The following UNC13B variants were observed in gnomAD, a reference collection of about 807,000 sequenced individuals.
UNC13B encodes the protein protein unc-13 homolog B.
In UNC13B, 144 loss-of-function variants were observed where a neutral mutation model predicts 211.0. The ratio of observed to expected loss-of-function variants is 0.68; its 90% CI spans 0.60 to 0.78. The LOEUF (loss-of-function observed/expected upper bound fraction) is 0.78, where lower values mean the gene tolerates loss of function less well. Among genes scored for constraint, UNC13B ranks in the 30% least tolerant of loss-of-function variants. UNC13B has a pLI of 0.00. For missense variants in UNC13B, 1,777 were observed against 2,002.0 expected, an observed-to-expected ratio of 0.89 and a Z score of 2.14; for synonymous variants, 709 against 725.8, an observed-to-expected ratio of 0.98 and a Z score of 0.37.
Position 35,301,209 on chromosome 9 carries a change from C to T in UNC13B, c.1805C>T (p.Ser602Phe). The T allele has an allele frequency of 5.0e-6, 2 of 398,856 alleles. No homozygotes were observed. Among genetic ancestry groups the T allele is most frequent in the Admixed American group, 8.8e-5 (2 of 22,712 alleles). 24.7% of individuals were successfully genotyped at this position (398,856 alleles called of 1,614,324 possible). A position where few individuals can be genotyped will look rare whatever the true frequency, so the allele number is the denominator to read the frequency against. ...CTTTCCATGCAATCTCCATTATCCT[C>T]TCAAAAAGATGATAATGTGAATATA... ...KDLSMQSPLS[S>F]QKDDNVNIDR... Residue 602 changes from serine (S) to phenylalanine (F), a missense_variant, in exon 9 of 40, where the codon TCT becomes TTT. Ser to Phe is a radical substitution (Grantham distance 155, BLOSUM62 -2). Coordinates refer to ENST00000635942, the MANE Select transcript of UNC13B (RefSeq NM_001371189.2).
At chr9:35,317,931 T>C (rs1227348276) in intron 11 of UNC13B, among the ~76,000 whole-genome samples, 1 of 152,178 alleles carries the variant, frequency 6.6e-6, no homozygotes, top group Non-Finnish European at 1.5e-5. Flanking sequence ...GGTCTTGTAA[T>C]TCTTCCTATA....
intron 11 of UNC13B, among the ~76,000 whole-genome samples, chr9:35,314,710 C>T (rs1317944598): frequency 6.6e-6 from 1 of 151,832 alleles, no homozygotes; most frequent in Admixed American, 6.6e-5. Context: ...CCTTCTAAGT[C>T]TCCAGTGTCT....
intron 1 of UNC13B, among the ~76,000 whole-genome samples, chr9:35,165,322 A>G (rs1357590405): frequency 6.6e-6 from 1 of 152,082 alleles, no homozygotes; most frequent in Admixed American, 6.6e-5. Context: ...GGAATGGGCT[A>G]TGTAGATTTT....
intron 12 of UNC13B, among the ~76,000 whole-genome samples, chr9:35,368,851 T>A (rs79620858): frequency 3.3e-4 from 50 of 152,272 alleles, no homozygotes; most frequent in African/African-American, 1.2e-3. Flanking sequence ...ATACATATTG[T>A]AGTTTCTAGA....
intron 11 of UNC13B, among the ~76,000 whole-genome samples, chr9:35,354,951 A>G (rs752822621): frequency 3.9e-5 from 6 of 152,238 alleles, no homozygotes; most frequent in African/African-American, 7.2e-5. Context: ...GGACAAGGCT[A>G]TTTTTGAAGC....
In UNC13B at chr9:35,403,535, A is replaced by T. The variant is rs1484160032; in HGVS notation, c.12673A>T (p.Arg4225Trp). Residue 4225 changes from arginine (R) to tryptophan (W), a missense_variant, in exon 39 of 40, where the codon AGG becomes TGG. Coordinates refer to ENST00000635942, the MANE Select transcript of UNC13B (RefSeq NM_001371189.2). ...MVGPHQSDKK[R>W]KFTTKSKSNN... is the part of the protein sequence containing the mutation. Reference sequence around the variant, plus strand: ...TGGCCCACACCAAAGTGATAAGAAGAGGAAGTTCACAACCAAATCCAAAAG... The same window carrying T: ...TGGCCCACACCAAAGTGATAAGAAGTGGAAGTTCACAACCAAATCCAAAAG... The T allele has an allele frequency of 6.2e-7, 1 of 1,613,826 alleles. No homozygotes were observed. Among genetic ancestry groups the T allele is most frequent in the Admixed American group, 1.7e-5 (1 of 60,010 alleles).
chr9:35,190,164 A>G (rs1822574634), intron 1 of UNC13B, among the ~76,000 whole-genome samples: 1 of 152,204 alleles, frequency 6.6e-6, no homozygotes, highest in Admixed American at 6.5e-5. Flanking sequence ...AAGAGAGTGC[A>G]GTGCTTCTAC....
At chr9:35,230,948 A>G (rs1404935713) in intron 2 of UNC13B, among the ~76,000 whole-genome samples, 172 bp from the exon 3 acceptor site, 2 of 152,206 alleles carry the variant, frequency 1.3e-5, no homozygotes, top group Non-Finnish European at 2.9e-5. Flanking sequence ...GTAGTTTTAT[A>G]ATTTCGGCAA....
intron 1 of UNC13B, among the ~76,000 whole-genome samples, chr9:35,217,911 G>A (rs1479059321): frequency 6.6e-6 from 1 of 152,014 alleles, no homozygotes; most frequent in African/African-American, 2.4e-5. Context: ...AGGCGTGGTG[G>A]CAGGTACCTA....
chr9:35,275,591 T>G (rs1252966435), intron 7 of UNC13B, among the ~76,000 whole-genome samples: 1 of 152,130 alleles, frequency 6.6e-6, no homozygotes, highest in Non-Finnish European at 1.5e-5. Flanking sequence ...ATTGGTTTTA[T>G]TTACTCATTC....
intron 26 of UNC13B, among the ~76,000 whole-genome samples, chr9:35,395,617 A>G (rs560682234): frequency 6.6e-6 from 1 of 152,326 alleles, no homozygotes; most frequent in East Asian, 1.9e-4. Flanking sequence ...TCAGCATACA[A>G]TTGATTTTTA....
At chr9:35,294,739 T>C (rs1829264543) in intron 7 of UNC13B, among the ~76,000 whole-genome samples, 1 of 152,224 alleles carries the variant, frequency 6.6e-6, no homozygotes, top group Non-Finnish European at 1.5e-5. Context: ...CGTGGAACCC[T>C]GTTAATCATA....
chr9:35,293,342 A>G (rs1416053649), intron 7 of UNC13B, among the ~76,000 whole-genome samples: 1 of 152,238 alleles, frequency 6.6e-6, no homozygotes. Flanking sequence ...GGGAGAAAGT[A>G]AAACCTGTGG....
At chr9:35,253,674 A>C (rs1432381638) in intron 6 of UNC13B, among the ~76,000 whole-genome samples, 1 of 152,196 alleles carries the variant, frequency 6.6e-6, no homozygotes, top group East Asian at 1.9e-4. Context: ...GGCACCTACC[A>C]CTTTACAGAG....
At chr9:35,297,561 T>TTTTTTTTGTTTTTGTTTTTTTG in intron 8 of UNC13B, among the ~76,000 whole-genome samples, 1 of 128,166 alleles carries the variant, frequency 7.8e-6, no homozygotes, top group Non-Finnish European at 1.7e-5. Context: ...TTTTTTTTTT[T>TTTTTTTTGTTTTTGTTTTTTTG]TTTTTTGAGA....
At chr9:35,165,124 T>C (rs574143677) in intron 1 of UNC13B, among the ~76,000 whole-genome samples, 27 of 152,330 alleles carry the variant, frequency 1.8e-4, no homozygotes, top group African/African-American at 6.0e-4. Flanking sequence ...GTAGAAGATT[T>C]AAGAGGAAGA....
chr9:35,204,882 A>G (rs995743365), intron 1 of UNC13B, among the ~76,000 whole-genome samples: 1 of 152,130 alleles, frequency 6.6e-6, no homozygotes, highest in Non-Finnish European at 1.5e-5. Flanking sequence ...TATATTTTGT[A>G]GTGTGAGAAG....
intron 11 of UNC13B, among the ~76,000 whole-genome samples, chr9:35,323,405 C>T (rs1310560533): frequency 6.6e-6 from 1 of 152,108 alleles, no homozygotes; most frequent in African/African-American, 2.4e-5. Context: ...AATGTAGTTG[C>T]AATGCAAATC....
intron 6 of UNC13B, among the ~76,000 whole-genome samples, chr9:35,255,040 T>TG (rs1390144307): frequency 8.4e-6 from 1 of 119,228 alleles, no homozygotes. Flanking sequence ...ATAATATATA[T>TG]TATATATAAT....
Sources: gnomAD v4.1 joint callset for allele counts (sites outside exome capture counted in the v4.1 genomes callset) on GRCh38, gnomAD v4.1.1 for gene constraint, MANE v1.5 for transcripts, NCBI Gene and HGNC (gene_info 2026-07-23, HGNC 2026-07-21) for gene names.